MACROD2: variants seen among roughly 807,000 people sequenced by gnomAD.
MACROD2 encodes the protein mono-ADP ribosylhydrolase 2.
In MACROD2, 36 loss-of-function variants were observed where a neutral mutation model predicts 70.4. The observed-to-expected ratio is 0.51, with a 90% confidence interval of 0.39 to 0.68. MACROD2 has a LOEUF of 0.68. MACROD2 is among the 30% of genes least tolerant of loss of function. The pLI, the probability that MACROD2 is intolerant of heterozygous loss-of-function variation, is 0.00. For synonymous variants in MACROD2, 172 were observed against 178.8 expected (o/e 0.96, Z 0.30); for missense variants, 496 against 538.4 (o/e 0.92, Z 0.78).
intron 6 of MACROD2, among the ~76,000 whole-genome samples, chr20:15,390,210 G>A (rs990349591): frequency 6.6e-6 from 1 of 152,146 alleles, no homozygotes; most frequent in Non-Finnish European, 1.5e-5. Context: ...TCCTAGGAGG[G>A]ATGACTATTA....
intron 5 of MACROD2, among the ~76,000 whole-genome samples, chr20:15,056,884 G>A (rs886353417): frequency 6.6e-6 from 1 of 152,128 alleles, no homozygotes; most frequent in Non-Finnish European, 1.5e-5. Context: ...AGATAGGAGT[G>A]GAGATGGGGA....
chr20:15,092,684 A>G (rs2075801270), intron 5 of MACROD2, among the ~76,000 whole-genome samples: 1 of 152,056 alleles, frequency 6.6e-6, no homozygotes, highest in African/African-American at 2.4e-5. Context: ...ATAGATTTGT[A>G]AAAGTTCTAG....
chr20:14,432,926 G>C (rs1402815469), intron 3 of MACROD2, among the ~76,000 whole-genome samples: 1 of 152,010 alleles, frequency 6.6e-6, no homozygotes, highest in Admixed American at 6.6e-5. Context: ...TTTCAATATA[G>C]AGAGACTGAA....
chr20:15,528,838 T>C (rs1458049917), intron 8 of MACROD2, among the ~76,000 whole-genome samples: 2 of 152,162 alleles, frequency 1.3e-5, no homozygotes, highest in East Asian at 1.9e-4. Flanking sequence ...TTATCACTTT[T>C]ATCTTGTTTG....
intron 5 of MACROD2, among the ~76,000 whole-genome samples, chr20:14,788,859 C>A (rs1423908932): frequency 7.0e-6 from 1 of 142,408 alleles, no homozygotes; most frequent in Non-Finnish European, 1.5e-5. Context: ...ATCTCCGCTT[C>A]CTGGGTTGAA....
intron 8 of MACROD2, among the ~76,000 whole-genome samples, chr20:15,725,139 C>G (rs2050843042): frequency 6.6e-6 from 1 of 152,138 alleles, no homozygotes; most frequent in African/African-American, 2.4e-5. Flanking sequence ...TTGATATCCA[C>G]AGAATAGCTT....
intron 5 of MACROD2, among the ~76,000 whole-genome samples, chr20:14,886,554 C>T (rs1449456943): frequency 6.6e-6 from 1 of 152,116 alleles, no homozygotes; most frequent in Non-Finnish European, 1.5e-5. Flanking sequence ...CATCATTTAG[C>T]TTTTTACCTG....
chr20:15,658,673 C>T (rs768306368), intron 8 of MACROD2, among the ~76,000 whole-genome samples: 2 of 152,310 alleles, frequency 1.3e-5, no homozygotes, highest in East Asian at 1.9e-4. Flanking sequence ...TAGCCCCCTA[C>T]GGGCTTATTT....
chr20:15,914,017 G>C (rs544945755), intron 10 of MACROD2, among the ~76,000 whole-genome samples: 2 of 152,302 alleles, frequency 1.3e-5, no homozygotes, highest in African/African-American at 4.8e-5. Flanking sequence ...CAGTGAAATT[G>C]AGATAAATCT....
intron 6 of MACROD2, among the ~76,000 whole-genome samples, chr20:15,315,488 A>G (rs1301870848): frequency 6.6e-6 from 1 of 152,200 alleles, no homozygotes; most frequent in Non-Finnish European, 1.5e-5. Flanking sequence ...CAACAAGATT[A>G]AAAGCAGATT....
At chr20:15,274,683 C>T (rs2077375046) in intron 6 of MACROD2, among the ~76,000 whole-genome samples, 1 of 152,222 alleles carries the variant, frequency 6.6e-6, no homozygotes, top group Admixed American at 6.5e-5. Context: ...TAGGTGCTCT[C>T]CTTTGTGCTG....
At chr20:15,875,321 C>T (rs2064652643) in intron 9 of MACROD2, among the ~76,000 whole-genome samples, 1 of 151,962 alleles carries the variant, frequency 6.6e-6, no homozygotes, top group Non-Finnish European at 1.5e-5. Flanking sequence ...ACATTTTCCC[C>T]CCAAATGATA....
chr20:15,956,325 A>G (rs180982836), intron 12 of MACROD2, among the ~76,000 whole-genome samples: 45 of 152,350 alleles, frequency 3.0e-4, no homozygotes, highest in South Asian at 6.2e-4. Flanking sequence ...TTATGAATGC[A>G]TGCCAACCAA....
intron 4 of MACROD2, among the ~76,000 whole-genome samples, chr20:14,526,455 C>T (rs1325846744): frequency 1.3e-5 from 2 of 152,154 alleles, no homozygotes; most frequent in African/African-American, 2.4e-5. Flanking sequence ...ACATTCCGCT[C>T]ATTCACACTT....
intron 3 of MACROD2, among the ~76,000 whole-genome samples, chr20:14,105,671 G>A (rs1373237887): frequency 1.3e-5 from 2 of 152,128 alleles, no homozygotes; most frequent in Admixed American, 6.5e-5. Flanking sequence ...CACCAAATGG[G>A]GCAGCTAAGG....
At chr20:15,443,091 T>C (rs2146378257) in intron 7 of MACROD2, among the ~76,000 whole-genome samples, 1 of 152,306 alleles carries the variant, frequency 6.6e-6, no homozygotes, top group Admixed American at 6.5e-5. Context: ...AATTGCATTA[T>C]TTATTACATT....
intron 15 of MACROD2, among the ~76,000 whole-genome samples, chr20:16,010,854 A>G (rs1022151932): frequency 7.9e-5 from 12 of 152,202 alleles, no homozygotes; most frequent in Non-Finnish European, 1.5e-4. Flanking sequence ...CCCTCTCAAC[A>G]CAGCACATAA....
chr20:15,539,331 G>A (rs6105428), intron 8 of MACROD2, among the ~76,000 whole-genome samples: 16,812 of 152,226 alleles, frequency 0.11, 1,071 homozygotes, highest in East Asian at 0.29. Context: ...GACTGTAGGA[G>A]GACACAGGTG....
At chr20:15,911,041 T>A (rs902667102) in intron 10 of MACROD2, among the ~76,000 whole-genome samples, 1 of 152,200 alleles carries the variant, frequency 6.6e-6, no homozygotes, top group Non-Finnish European at 1.5e-5. Flanking sequence ...GCATACTTCT[T>A]TCTCAATAGC....
Sources: gnomAD v4.1 joint callset for allele counts (sites outside exome capture counted in the v4.1 genomes callset) on GRCh38, gnomAD v4.1.1 for gene constraint, MANE v1.5 for transcripts, NCBI Gene and HGNC (gene_info 2026-07-23, HGNC 2026-07-21) for gene names.